Variants in SAMD5 observed in about 807,000 individuals in gnomAD.
SAMD5 encodes sterile alpha motif domain containing 5, also known as sterile alpha motif domain-containing protein 5.
In SAMD5, 13 loss-of-function variants were observed where a neutral mutation model predicts 11.3. The ratio of observed to expected loss-of-function variants is 1.15; its 90% CI spans 0.75 to 1.83. The LOEUF (loss-of-function observed/expected upper bound fraction) is 1.83, where lower values mean the gene tolerates loss of function less well. Among genes scored for constraint, SAMD5 ranks in the 40% most tolerant of loss-of-function variants. The pLI is 0.00. For synonymous variants in SAMD5, 129 were observed against 111.3 expected (o/e 1.16, Z -1.00); for missense variants, 255 against 239.1 (o/e 1.07, Z -0.44).
chr6:147,685,592 C>A (rs1427422561), intron 1 of SAMD5, among the ~76,000 whole-genome samples: 2 of 152,204 alleles, frequency 1.3e-5, no homozygotes, highest in Non-Finnish European at 2.9e-5. Flanking sequence ...GTTCTTCTGG[C>A]TGCATATCTG....
chr6:147,649,105 C>T (rs1790445622), intron 1 of SAMD5, among the ~76,000 whole-genome samples: 1 of 152,134 alleles, frequency 6.6e-6, no homozygotes, highest in African/African-American at 2.4e-5. Context: ...AAAGTTTGGT[C>T]TTGCATTTAT....
chr6:147,566,034 G>C lies in SAMD5; in HGVS notation c.*1578G>C. 1 of 985,220 alleles carries C rather than the reference G, an allele frequency of 1.0e-6. No homozygotes were observed. The highest frequency in any genetic ancestry group is 1.7e-5 in the African/African-American group (1 of 57,300). The allele number at this position is 985,220 out of a possible 1,614,324, so 61.0% of individuals were successfully genotyped here. A position where few individuals can be genotyped will look rare whatever the true frequency, so the allele number is the denominator to read the frequency against. Reference sequence around the variant, plus strand: ...ATTCACTTTTTCCTGGTCCATTTTGGTTCCTAAGAATAGATAGGCCATTAA... The same window carrying C: ...ATTCACTTTTTCCTGGTCCATTTTGCTTCCTAAGAATAGATAGGCCATTAA... On this transcript the variant is annotated 3_prime_UTR_variant, in exon 2 of 2. Coordinates refer to ENST00000367474, the MANE Select transcript of SAMD5 (RefSeq NM_001030060.3).
At chr6:147,874,787 T>G in the SAMD5 span, among the ~76,000 whole-genome samples, 6 of 151,804 alleles carry the variant, frequency 4.0e-5, no homozygotes, top group Non-Finnish European at 7.4e-5. Context: ...CAAAAATAAA[T>G]TTGATAATCA....
At chr6:147,706,582 A>T (rs1791328174) in intron 1 of SAMD5, among the ~76,000 whole-genome samples, 1 of 152,202 alleles carries the variant, frequency 6.6e-6, no homozygotes, top group African/African-American at 2.4e-5. Flanking sequence ...CTTTTGTACA[A>T]CACAGGTTTG....
chr6:147,649,607 C>A lies in SAMD5; in HGVS notation c.163-87710C>A, dbSNP rs561654010. 4.6e-5 allele frequency among the ~76,000 whole-genome samples: 7 copies of A among 152,242 alleles called. No homozygotes were observed. The East Asian group carries it at 1.4e-3, about 29-fold the overall frequency. ...ACGAGTTCGAGACCAGCCTGGCCAACATGACAAAACTCCGTTTCTACAAAA... is the reference window on the plus strand; with the variant it reads ...ACGAGTTCGAGACCAGCCTGGCCAAAATGACAAAACTCCGTTTCTACAAAA... On this transcript the variant is annotated intron_variant, in intron 1 of 1. Coordinates refer to the SAMD5 transcript ENST00000566741.
the SAMD5 span, among the ~76,000 whole-genome samples, chr6:147,949,274 GA>G: frequency 2.5e-3 from 374 of 152,192 alleles, 2 homozygotes; most frequent in Non-Finnish European, 4.3e-3. Context: ...TATGATGGGG[GA>G]AAAAACCCAA....
intron 1 of SAMD5, among the ~76,000 whole-genome samples, chr6:147,536,584 A>G (rs981403222): frequency 1.3e-5 from 2 of 152,230 alleles, no homozygotes; most frequent in Admixed American, 1.3e-4. Flanking sequence ...AGAGCTGCAC[A>G]TAGAGCCTTA....
the SAMD5 span, among the ~76,000 whole-genome samples, chr6:147,899,223 G>GTAAAGTA: frequency 1.4e-5 from 2 of 145,872 alleles, no homozygotes; most frequent in African/African-American, 5.1e-5. Flanking sequence ...ATTGAAAACT[G>GTAAAGTA]TAAAGTATTT....
the SAMD5 span, among the ~76,000 whole-genome samples, chr6:147,776,071 G>A: frequency 6.6e-6 from 1 of 152,194 alleles, no homozygotes; most frequent in Non-Finnish European, 1.5e-5. Flanking sequence ...ACTAGACATT[G>A]AGAAGATATG....
chr6:147,557,262 GA>G (rs1216624154), intron 1 of SAMD5, among the ~76,000 whole-genome samples: 1 of 152,172 alleles, frequency 6.6e-6, no homozygotes, highest in Non-Finnish European at 1.5e-5. Context: ...TTGTATCAAT[GA>G]AGGGATTAAA....
chr6:147,653,613 G>A (rs1790523516), intron 1 of SAMD5, among the ~76,000 whole-genome samples: 1 of 152,166 alleles, frequency 6.6e-6, no homozygotes, highest in Admixed American at 6.5e-5. Flanking sequence ...AATGCTCTGT[G>A]TGTATGAAAT....
At chr6:147,763,772 C>T in the SAMD5 span, among the ~76,000 whole-genome samples, 4 of 151,994 alleles carry the variant, frequency 2.6e-5, no homozygotes, top group Non-Finnish European at 2.9e-5. Flanking sequence ...TTAGTAGAGA[C>T]GGGGTTTCAC....
At chr6:147,866,514 A>T in the SAMD5 span, among the ~76,000 whole-genome samples, 1 of 152,226 alleles carries the variant, frequency 6.6e-6, no homozygotes, top group Non-Finnish European at 1.5e-5. Context: ...AAAAAATGAA[A>T]GTACGCCAAA....
At chr6:147,695,423 GA>G (rs200483972) in intron 1 of SAMD5, among the ~76,000 whole-genome samples, 2,097 of 152,234 alleles carry the variant, frequency 0.014, 48 homozygotes, top group African/African-American at 0.048. Flanking sequence ...TAATTTAGGT[GA>G]TACCATAGCT....
chr6:147,928,215 A>G, the SAMD5 span, among the ~76,000 whole-genome samples: 2 of 151,678 alleles, frequency 1.3e-5, no homozygotes, highest in Non-Finnish European at 3.0e-5. Flanking sequence ...CAGTTTTGGG[A>G]AATAGTTTCA....
intron 1 of SAMD5, among the ~76,000 whole-genome samples, chr6:147,577,964 C>T (rs1444015236): frequency 6.6e-6 from 1 of 152,082 alleles, no homozygotes; most frequent in Admixed American, 6.6e-5. Context: ...ATCAGGTACA[C>T]TATTACAAAA....
the SAMD5 span, among the ~76,000 whole-genome samples, chr6:147,747,745 A>G: frequency 6.6e-6 from 1 of 152,210 alleles, no homozygotes; most frequent in South Asian, 2.1e-4. Context: ...CTGTTTTATT[A>G]TCTTTATTTA....
chr6:147,657,260 CTG>C (rs1333590740), intron 1 of SAMD5, among the ~76,000 whole-genome samples: 2 of 152,006 alleles, frequency 1.3e-5, no homozygotes, highest in Non-Finnish European at 2.9e-5. Flanking sequence ...TTTGGGACAA[CTG>C]ATAAAACTTG....
chr6:147,807,134 C>G, the SAMD5 span, among the ~76,000 whole-genome samples: 6 of 151,998 alleles, frequency 3.9e-5, no homozygotes, highest in South Asian at 4.1e-4. Context: ...GAGTCTTGCT[C>G]TGTCACCCAG....
Sources: gnomAD v4.1 joint callset for allele counts (sites outside exome capture counted in the v4.1 genomes callset) on GRCh38, gnomAD v4.1.1 for gene constraint, MANE v1.5 for transcripts, NCBI Gene and HGNC (gene_info 2026-07-23, HGNC 2026-07-21) for gene names.